Variants in TRIM75 observed in about 807,000 individuals in gnomAD.
The protein encoded by TRIM75 is tripartite motif-containing protein 75.
At chr4:165,059,810 A>G in the TRIM75 span, 7 of 780,804 alleles carry the variant, frequency 9.0e-6, no homozygotes, top group Admixed American at 5.1e-5. Context: ...CAAACATAAC[A>G]GCATTTTCAA....
At chr4:165,054,266 A>ATTTTTTTTTTTTTTTTTTTT in the TRIM75 span, among the ~76,000 whole-genome samples, 1 of 96,878 alleles carries the variant, frequency 1.0e-5, no homozygotes, top group African/African-American at 3.8e-5. Context: ...TAATTTGTGT[A>ATTTTTTTTTTTTTTTTTTTT]TTTTTTTTTT....
the TRIM75 span, among the ~76,000 whole-genome samples, chr4:165,054,341 C>T: frequency 1.4e-5 from 2 of 146,474 alleles, no homozygotes; most frequent in African/African-American, 2.5e-5. Context: ...TATCTTGACT[C>T]ATTGCAACCT....
the TRIM75 span, chr4:165,059,600 GA>G: frequency 5.1e-6 from 4 of 780,726 alleles, no homozygotes; most frequent in African/African-American, 6.8e-5. Context: ...TCCAGCCCCT[GA>G]AAAAGCAATT....
At chr4:165,059,618 C>A in the TRIM75 span, 1 of 780,820 alleles carries the variant, frequency 1.3e-6, no homozygotes, top group Non-Finnish European at 2.4e-6. Context: ...AATTGGCAGA[C>A]CTCCAAAAAT....
chr4:165,054,063 G>A, the TRIM75 span, among the ~76,000 whole-genome samples: 1 of 151,866 alleles, frequency 6.6e-6, no homozygotes, highest in Admixed American at 6.6e-5. Context: ...AAGGGAACCT[G>A]AATTCGGCAT....
At chr4:165,056,098 TG>T in the TRIM75 span, among the ~76,000 whole-genome samples, 2 of 151,922 alleles carry the variant, frequency 1.3e-5, no homozygotes, top group Non-Finnish European at 2.9e-5. Flanking sequence ...AGTTAATTTT[TG>T]TATTTTTAGT....
chr4:165,056,863 C>T, the TRIM75 span, among the ~76,000 whole-genome samples: 3 of 151,986 alleles, frequency 2.0e-5, no homozygotes, highest in Non-Finnish European at 4.4e-5. Context: ...GTCATCTGCC[C>T]GCCTTGGCCT....
chr4:165,059,714 C>A, the TRIM75 span: 1 of 780,894 alleles, frequency 1.3e-6, no homozygotes, highest in East Asian at 2.4e-5. Flanking sequence ...AATTTGAGCA[C>A]CTCAACCAGT....
chr4:165,059,952 A>C, the TRIM75 span: 1 of 779,504 alleles, frequency 1.3e-6, no homozygotes, highest in East Asian at 2.4e-5. Context: ...GATCTTTTCA[A>C]TTCATTTAAA....
chr4:165,054,777 G>A, the TRIM75 span, among the ~76,000 whole-genome samples: 3 of 152,076 alleles, frequency 2.0e-5, no homozygotes, highest in East Asian at 1.9e-4. Flanking sequence ...CTAAGTCACC[G>A]AAATGCTTAC....
chr4:165,060,380 G>A, the TRIM75 span: 2 of 780,846 alleles, frequency 2.6e-6, no homozygotes, highest in South Asian at 1.3e-5. Flanking sequence ...TGAAAGCCAG[G>A]GCCATTGGCA....
the TRIM75 span, chr4:165,060,376 C>A: frequency 1.3e-6 from 1 of 780,900 alleles, no homozygotes; most frequent in Non-Finnish European, 2.4e-6. Flanking sequence ...GAGGTGAAAG[C>A]CAGGGCCATT....
chr4:165,054,626 CT>C, the TRIM75 span, among the ~76,000 whole-genome samples: 3 of 152,038 alleles, frequency 2.0e-5, no homozygotes, highest in African/African-American at 7.2e-5. Flanking sequence ...TCTCGAACCC[CT>C]GATCTCAAGT....
the TRIM75 span, chr4:165,060,081 G>T: frequency 1.3e-6 from 1 of 780,708 alleles, no homozygotes; most frequent in Non-Finnish European, 2.4e-6. Flanking sequence ...TGTATCTGAA[G>T]ATAAAAAACG....
the TRIM75 span, among the ~76,000 whole-genome samples, chr4:165,054,148 A>G: frequency 0.032 from 4,808 of 152,100 alleles, 266 homozygotes; most frequent in African/African-American, 0.11. Context: ...GCTGGAGTGC[A>G]CTGGGGTGAT....
the TRIM75 span, among the ~76,000 whole-genome samples, chr4:165,058,707 T>G: frequency 6.6e-6 from 1 of 152,114 alleles, no homozygotes; most frequent in Non-Finnish European, 1.5e-5. Context: ...TGTGTTTGGC[T>G]AGAATGTGGT....
At chr4:165,060,164 G>A in the TRIM75 span, 2 of 780,928 alleles carry the variant, frequency 2.6e-6, no homozygotes, top group Non-Finnish European at 4.8e-6. Flanking sequence ...CAGTTGTTCT[G>A]GGTTTTCCGT....
chr4:165,057,292 T>C, the TRIM75 span, among the ~76,000 whole-genome samples: 8 of 152,246 alleles, frequency 5.3e-5, no homozygotes, highest in Middle Eastern at 3.4e-3. Flanking sequence ...GGAGGATTTC[T>C]TGAATTCAGG....
At chr4:165,059,506 C>A in the TRIM75 span, 1 of 780,938 alleles carries the variant, frequency 1.3e-6, no homozygotes, top group Non-Finnish European at 2.4e-6. Flanking sequence ...CCGCTGTGCA[C>A]TCAGCCCCCT....
Sources: gnomAD v4.1 joint callset for allele counts (sites outside exome capture counted in the v4.1 genomes callset) on GRCh38, gnomAD v4.1.1 for gene constraint, MANE v1.5 for transcripts, NCBI Gene and HGNC (gene_info 2026-07-23, HGNC 2026-07-21) for gene names.